Variants in FGF14 observed in about 807,000 individuals in gnomAD.
The protein encoded by FGF14 is fibroblast growth factor homologous factor 4.
In FGF14, 5 loss-of-function variants were observed where a neutral mutation model predicts 25.5. That is an observed-to-expected ratio of 0.20 (90% CI 0.10 to 0.41). The LOEUF is 0.41. Among genes scored for constraint, FGF14 ranks in the 10% least tolerant of loss-of-function variants. The pLI, the probability that FGF14 is intolerant of heterozygous loss-of-function variation, is 1.00. For missense variants in FGF14, 222 were observed against 320.1 expected (o/e 0.69, Z 2.34); for synonymous variants, 138 against 118.3 (o/e 1.17, Z -1.08).
At chr13:102,401,634 T>C in exon 1 of FGF14, 1 of 1,614,126 alleles carries the variant, frequency 6.2e-7, no homozygotes, top group Non-Finnish European at 8.5e-7. Flanking sequence ...TGCATAATAA[T>C]AATTTGAAAT....
rs535988653 is a variant in FGF14 at position 101,930,782 on chromosome 13, A to C, written c.209-55486T>G. On this transcript the variant is annotated intron_variant, in intron 1 of 4. Coordinates refer to the FGF14 transcript ENST00000376131. ...AAGGAAAATAAAAATATCTGCTTCC[A>C]TATAGAGTTCCAGAGGCTAGTTTGT... is the stretch of plus-strand genomic sequence containing the variant. 1.1e-4 allele frequency among the ~76,000 whole-genome samples: 16 copies of C among 152,344 alleles called. No homozygotes were observed. The South Asian group carries it at 3.3e-3, about 32-fold the overall frequency.
chr13:102,162,668 A>T (rs978924913), intron 1 of FGF14, among the ~76,000 whole-genome samples: 1 of 152,188 alleles, frequency 6.6e-6, no homozygotes, highest in Non-Finnish European at 1.5e-5. Flanking sequence ...AGACTTCATT[A>T]TGTGTTGAGA....
At chr13:102,331,277 T>G (rs1300088153) in intron 1 of FGF14, among the ~76,000 whole-genome samples, 2 of 152,164 alleles carry the variant, frequency 1.3e-5, no homozygotes, top group African/African-American at 4.8e-5. Flanking sequence ...TTTCTCATAT[T>G]TTAATATCCC....
intron 1 of FGF14, among the ~76,000 whole-genome samples, chr13:102,212,337 C>T (rs932832727): frequency 6.6e-6 from 1 of 152,160 alleles, no homozygotes; most frequent in African/African-American, 2.4e-5. Context: ...ACAAATTCAT[C>T]GAACACAGTA....
At chr13:101,786,931 C>T (rs1326547083) in intron 3 of FGF14, among the ~76,000 whole-genome samples, 1 of 152,086 alleles carries the variant, frequency 6.6e-6, no homozygotes, top group African/African-American at 2.4e-5. Flanking sequence ...ATTTTCTCAA[C>T]ACACAAGCCA....
chr13:101,837,100 T>C (rs1331242269), intron 3 of FGF14, among the ~76,000 whole-genome samples: 1 of 152,098 alleles, frequency 6.6e-6, no homozygotes, highest in Non-Finnish European at 1.5e-5. Flanking sequence ...CATTATCTAA[T>C]GAAACACTGG....
intron 2 of FGF14, among the ~76,000 whole-genome samples, chr13:101,870,161 AG>A (rs1171157984): frequency 3.9e-5 from 6 of 151,994 alleles, no homozygotes; most frequent in Admixed American, 1.3e-4. Flanking sequence ...TGAAAGAATT[AG>A]TTTTTTTTCC....
At chr13:102,337,680 A>T (rs1577691) in intron 1 of FGF14, among the ~76,000 whole-genome samples, 2 of 151,876 alleles carry the variant, frequency 1.3e-5, no homozygotes, top group East Asian at 3.9e-4. Context: ...TCCATTGATG[A>T]AGCAAACTTT....
At chr13:102,342,884 TA>T (rs1167557594) in intron 1 of FGF14, among the ~76,000 whole-genome samples, 1 of 152,170 alleles carries the variant, frequency 6.6e-6, no homozygotes, top group Non-Finnish European at 1.5e-5. Flanking sequence ...TTTCTTAGCC[TA>T]AAGTATTTTC....
At position 101,886,369 on chromosome 13, in the gene FGF14, G is replaced by C. The variant is rs144230445; in HGVS notation, c.194-11073C>G. ...ACATAGACCAATGGAACAGAATAGA[G>C]AGCCCAGAAATGAATCCACACATTT... On this transcript the variant is annotated intron_variant, in intron 1 of 4. Transcript: ENST00000376143. Among the ~76,000 whole-genome samples the C allele has an allele frequency of 4.3e-3, 657 of 152,148 alleles. 3 individuals carry two copies. Among genetic ancestry groups the C allele is most frequent in the African/African-American group, 0.015 (622 of 41,516 alleles).
chr13:102,055,148 C>T (rs2042375154), intron 1 of FGF14, among the ~76,000 whole-genome samples: 1 of 152,158 alleles, frequency 6.6e-6, no homozygotes, highest in Admixed American at 6.5e-5. Context: ...TACAAAAATC[C>T]AACCTAGTTT....
chr13:101,886,352 C>T (rs992654435), intron 1 of FGF14, among the ~76,000 whole-genome samples: 3 of 152,010 alleles, frequency 2.0e-5, no homozygotes, highest in African/African-American at 7.2e-5. Flanking sequence ...ACACATAGAC[C>T]AATGGAACAG....
At chr13:101,733,893 CATTT>C (rs1393056244) in intron 3 of FGF14, among the ~76,000 whole-genome samples, 2 of 151,422 alleles carry the variant, frequency 1.3e-5, no homozygotes, top group Non-Finnish European at 2.9e-5. Context: ...TGTTTTATAA[CATTT>C]AATAACTAAA....
intron 1 of FGF14, among the ~76,000 whole-genome samples, chr13:102,006,044 T>C (rs1023787487): frequency 6.6e-5 from 10 of 152,200 alleles, no homozygotes; most frequent in African/African-American, 2.4e-4. Flanking sequence ...CTATCTACCC[T>C]CAATTTATTC....
chr13:102,376,283 G>T (rs1236321953), intron 1 of FGF14, among the ~76,000 whole-genome samples: 2 of 152,184 alleles, frequency 1.3e-5, no homozygotes, highest in Non-Finnish European at 2.9e-5. Context: ...CTGTCACCAT[G>T]TAAGATGTGA....
chr13:102,312,384 A>C (rs2055816965), intron 1 of FGF14, among the ~76,000 whole-genome samples: 1 of 152,160 alleles, frequency 6.6e-6, no homozygotes, highest in Non-Finnish European at 1.5e-5. Flanking sequence ...GTTGTCTTTC[A>C]TTCTTACAAC....
intron 3 of FGF14, among the ~76,000 whole-genome samples, chr13:101,806,252 T>C (rs1323598273): frequency 3.3e-5 from 5 of 151,804 alleles, no homozygotes; most frequent in Admixed American, 3.3e-4. Context: ...AAACCCAGTC[T>C]CTACTAAAAA....
upstream of FGF14, among the ~76,000 whole-genome samples, chr13:101,921,703 T>C (rs2034018994): frequency 6.6e-6 from 1 of 152,168 alleles, no homozygotes; most frequent in African/African-American, 2.4e-5. Flanking sequence ...TTGTGCCCCA[T>C]CTCTGCCTTC....
intron 3 of FGF14, among the ~76,000 whole-genome samples, chr13:101,808,815 G>T (rs957847): frequency 0.18 from 26,889 of 152,038 alleles, 2,500 homozygotes; most frequent in Admixed American, 0.22. Flanking sequence ...AGAAATATCT[G>T]TAAATTATGT....
Sources: allele counts gnomAD v4.1 joint callset (sites outside exome capture counted in the v4.1 genomes callset), GRCh38; gene constraint gnomAD v4.1.1; transcripts MANE v1.5; gene names NCBI Gene and HGNC (gene_info 2026-07-23, HGNC 2026-07-21).